The following MAS1 variants were observed in gnomAD, a reference collection of about 807,000 sequenced individuals.
MAS1 encodes the protein proto-oncogene Mas.
For synonymous variants in MAS1, 163 were observed against 164.2 expected, an observed-to-expected ratio of 0.99 and a Z score of 0.05; for missense variants, 387 against 409.7, an observed-to-expected ratio of 0.94 and a Z score of 0.48.
At position 159,914,549 on chromosome 6, in the gene MAS1, T is replaced by A. The variant is rs1359425549; in HGVS notation, c.*6616T>A. 1 of 152,206 alleles carries A rather than the reference T, an allele frequency of 6.6e-6. No homozygotes were observed. Among genetic ancestry groups the A allele is most frequent in the African/African-American group, 2.4e-5 (1 of 41,440 alleles). The allele number at this position is 152,206 out of a possible 1,614,324, so 9.4% of individuals were successfully genotyped here. Reference sequence around the variant, plus strand: ...TGGGTATCAGAACTTAATCTTGAGCTTTTTGTTGTTTCCAGGCCAGGGGAG... The same window carrying A: ...TGGGTATCAGAACTTAATCTTGAGCATTTTGTTGTTTCCAGGCCAGGGGAG... On this transcript the variant is annotated 3_prime_UTR_variant, in exon 3 of 3. Transcript: ENST00000674077.
At chr6:159,906,597 C>T (rs144960746) in intron 2 of MAS1, 12 of 195,362 alleles carry the variant, frequency 6.1e-5, no homozygotes, top group African/African-American at 2.4e-4. Flanking sequence ...AAATGGGTCC[C>T]GCACAGGGCA....
Position 159,912,162 on chromosome 6 carries a change from C to T in MAS1, c.*4229C>T, listed in dbSNP as rs531164525. The T allele has an allele frequency of 6.6e-6, 1 of 152,422 alleles. No homozygotes were observed. The highest frequency in any genetic ancestry group is 2.1e-4 in the South Asian group (1 of 4,826). The allele number at this position is 152,422 out of a possible 1,614,324, so 9.4% of individuals were successfully genotyped here. A position where few individuals can be genotyped will look rare whatever the true frequency, so the allele number is the denominator to read the frequency against. ...GAGCAACTGGAGAGCCACCAGCAGC[C>T]ATCCCCTCTCTTTGTGCCTCACAGC... On this transcript the variant is annotated 3_prime_UTR_variant, in exon 3 of 3. Coordinates refer to ENST00000674077, the MANE Select transcript of MAS1 (RefSeq NM_002377.4).
At chr6:159,891,823 T>G (rs1365474552) in intron 1 of MAS1, among the ~76,000 whole-genome samples, 1 of 152,170 alleles carries the variant, frequency 6.6e-6, no homozygotes, top group Non-Finnish European at 1.5e-5. Flanking sequence ...GTTAGATTGC[T>G]ATGGGTGCAG....
At chr6:159,902,493 T>C (rs1003778207) in intron 2 of MAS1, 2 of 152,218 alleles carry the variant, frequency 1.3e-5, no homozygotes, top group African/African-American at 2.4e-5. Context: ...TTGGTATTGA[T>C]GACGTGTTGA....
upstream of MAS1, among the ~76,000 whole-genome samples, chr6:159,889,684 TC>T (rs1356565825): frequency 6.6e-6 from 1 of 152,210 alleles, no homozygotes; most frequent in East Asian, 1.9e-4. Flanking sequence ...AACTTCTCCT[TC>T]CTTGGAGCAT....
upstream of MAS1, among the ~76,000 whole-genome samples, chr6:159,890,427 C>T (rs548181277): frequency 1.3e-5 from 2 of 152,186 alleles, no homozygotes; most frequent in Non-Finnish European, 2.9e-5. Context: ...CAGACCCCTG[C>T]CTTCACCCCT....
intron 1 of MAS1, among the ~76,000 whole-genome samples, chr6:159,898,340 G>A (rs1320446215): frequency 6.6e-6 from 1 of 152,104 alleles, no homozygotes; most frequent in Admixed American, 6.5e-5. Context: ...GCCCCAGAGT[G>A]TAATGGAGAG....
chr6:159,891,981 T>C (rs1782704479), intron 1 of MAS1, among the ~76,000 whole-genome samples: 1 of 152,138 alleles, frequency 6.6e-6, no homozygotes, highest in Admixed American at 6.5e-5. Flanking sequence ...ACCAACTAGA[T>C]ACCAGTAGCA....
chr6:159,893,806 A>G (rs1445232322), intron 1 of MAS1, among the ~76,000 whole-genome samples: 1 of 152,134 alleles, frequency 6.6e-6, no homozygotes. Context: ...CAATGAGCAC[A>G]TTTTACACCC....
In MAS1 at chr6:159,910,924, C is replaced by A. The variant is rs906151364; in HGVS notation, c.*2991C>A. 6.6e-6 allele frequency: 1 copy of A among 152,262 alleles called. No individual in the cohort carries two copies. The highest frequency in any genetic ancestry group is 3.4e-3 in the Middle Eastern group (1 of 294). The allele number at this position is 152,262 out of a possible 1,614,324, so 9.4% of individuals were successfully genotyped here. A position where few individuals can be genotyped will look rare whatever the true frequency, so the allele number is the denominator to read the frequency against. Reference sequence around the variant, plus strand: ...TCTGATGGGCTGTTTTCTACCTATGCCTTTTGTGGCATTTAATACCCACAG... The same window carrying A: ...TCTGATGGGCTGTTTTCTACCTATGACTTTTGTGGCATTTAATACCCACAG... On this transcript the variant is annotated 3_prime_UTR_variant, in exon 3 of 3. Transcript: ENST00000674077.
At position 159,907,100 on chromosome 6, in the gene MAS1, G is replaced by A. The variant is rs1333504392; in HGVS notation, c.145G>A (p.Glu49Lys). 1 of 1,614,178 alleles carries A rather than the reference G, an allele frequency of 6.2e-7. No individual in the cohort carries two copies. Among genetic ancestry groups the A allele is most frequent in the Non-Finnish European group, 8.5e-7 (1 of 1,180,016 alleles). The change falls in exon 3 of 3, where the codon GAG becomes AAG. Residue 49 changes from glutamate to lysine, a missense_variant. Transcript: ENST00000674077. Reference protein sequence around the residue: ...IMSISPVGFVENGILLWFLCF... With the variant: ...IMSISPVGFVKNGILLWFLCF... ...GAGCATCTCCCCAGTGGGGTTTGTTGAGAATGGGATTCTCCTCTGGTTCCT... is the reference window on the plus strand; with the variant it reads ...GAGCATCTCCCCAGTGGGGTTTGTTAAGAATGGGATTCTCCTCTGGTTCCT...
chr6:159,905,384 G>A lies in MAS1; in HGVS notation c.-36-1536G>A, dbSNP rs368117019. Among the ~76,000 whole-genome samples, 26 of 152,330 alleles carry A rather than the reference G, an allele frequency of 1.7e-4. 2 individuals carry two copies. The highest frequency in any genetic ancestry group is 6.3e-4 in the African/African-American group (26 of 41,586). ...CGGGTCTCTGTCTACTAATTATGAA[G>A]TAAAAGGAAGCTCTCCTCCAGTGAA... On this transcript the variant is annotated intron_variant, in intron 2 of 2. Coordinates refer to ENST00000674077, the MANE Select transcript of MAS1 (RefSeq NM_002377.4).
chr6:159,907,657 C>G lies in MAS1; in HGVS notation c.702C>G (p.Ile234Met). The change falls in exon 3 of 3, where the codon ATC becomes ATG. Residue 234 changes from isoleucine (I) to methionine (M), a missense_variant. Ile to Met is a conservative substitution (Grantham distance 10). Coordinates refer to ENST00000674077, the MANE Select transcript of MAS1 (RefSeq NM_002377.4). ...SKLYIVIMVTIIIFLIFAMPM... is the reference protein window; with the variant it reads ...SKLYIVIMVTMIIFLIFAMPM... ...TTTACATAGTCATCATGGTCACCAT[C>G]ATTATATTCCTCATCTTCGCTATGC... 1 of 1,613,864 alleles carries G rather than the reference C, an allele frequency of 6.2e-7. No homozygotes were observed. The highest frequency in any genetic ancestry group is 1.1e-5 in the South Asian group (1 of 91,058).
At position 159,915,722 on chromosome 6, in the gene MAS1, C is replaced by G. The variant is rs1332327753; in HGVS notation, c.*7789C>G. The G allele has an allele frequency of 6.6e-6, 1 of 152,214 alleles. No homozygotes were observed. The highest frequency in any genetic ancestry group is 1.5e-5 in the Non-Finnish European group (1 of 68,060). The allele number at this position is 152,214 out of a possible 1,614,324, so 9.4% of individuals were successfully genotyped here. On this transcript the variant is annotated 3_prime_UTR_variant, in exon 3 of 3. Coordinates refer to ENST00000674077, the MANE Select transcript of MAS1 (RefSeq NM_002377.4). ...CAGATCCTGAGACAAGGATTTAGTG[C>G]AAGTAATTCATGTGGCCATCATCCA... is the stretch of plus-strand genomic sequence containing the variant.
At chr6:159,892,074 T>C (rs1782705410) in intron 1 of MAS1, among the ~76,000 whole-genome samples, 1 of 152,212 alleles carries the variant, frequency 6.6e-6, no homozygotes. Flanking sequence ...TCCCCCCTTT[T>C]AGACCAGGGC....
At chr6:159,892,685 C>G (rs1464258118) in intron 1 of MAS1, among the ~76,000 whole-genome samples, 1 of 152,164 alleles carries the variant, frequency 6.6e-6, no homozygotes, top group African/African-American at 2.4e-5. Context: ...GTTCCTCTCA[C>G]TTTCATTGAG....
chr6:159,903,902 A>T (rs1782851804), intron 2 of MAS1, among the ~76,000 whole-genome samples: 1 of 152,186 alleles, frequency 6.6e-6, no homozygotes, highest in Non-Finnish European at 1.5e-5. Flanking sequence ...AACCACTTGC[A>T]TCAGGCATTC....
Position 159,916,591 on chromosome 6 carries a change from T to G in MAS1, c.*8658T>G, listed in dbSNP as rs1783027326. ...GGGCAGCCCATGGCCCCGAGACAGGTGCCAAGTCAATACTTGGGTGATGAA... is the reference window on the plus strand; with the variant it reads ...GGGCAGCCCATGGCCCCGAGACAGGGGCCAAGTCAATACTTGGGTGATGAA... On this transcript the variant is annotated 3_prime_UTR_variant, in exon 3 of 3. Transcript: ENST00000674077. 2 of 152,054 alleles carry G rather than the reference T, an allele frequency of 1.3e-5. No homozygotes were observed. Among genetic ancestry groups the G allele is most frequent in the Non-Finnish European group, 2.9e-5 (2 of 67,984 alleles). 9.4% of individuals were successfully genotyped at this position (152,054 alleles called of 1,614,324 possible).
At position 159,909,221 on chromosome 6, in the gene MAS1, C is replaced by T. The variant is rs1379124050; in HGVS notation, c.*1288C>T. On this transcript the variant is annotated 3_prime_UTR_variant, in exon 3 of 3. Coordinates refer to ENST00000674077, the MANE Select transcript of MAS1 (RefSeq NM_002377.4). ...GTCGCATAGCTATGTTTATTTCCTT[C>T]TGTCCCTTCTAGGAGTTCCACAAAA... The T allele has an allele frequency of 6.6e-6, 1 of 152,178 alleles. No homozygotes were observed. 9.4% of individuals were successfully genotyped at this position (152,178 alleles called of 1,614,324 possible). A position where few individuals can be genotyped will look rare whatever the true frequency, so the allele number is the denominator to read the frequency against.
Sources: gnomAD v4.1 joint callset for allele counts (sites outside exome capture counted in the v4.1 genomes callset) on GRCh38, gnomAD v4.1.1 for gene constraint, MANE v1.5 for transcripts, NCBI Gene and HGNC (gene_info 2026-07-23, HGNC 2026-07-21) for gene names.